Variants in PAPSS2 observed in about 807,000 individuals in gnomAD.
PAPSS2 encodes bifunctional 3'-phosphoadenosine 5'-phosphosulfate synthase 2.
In PAPSS2, 61 loss-of-function variants were observed where a neutral mutation model predicts 66.5. The observed-to-expected ratio is 0.92, with a 90% CI of 0.75 to 1.14. The LOEUF is 1.14. Ranked by LOEUF, PAPSS2 falls within the 50% of genes most tolerant of loss-of-function variation. The pLI is 0.00. For synonymous variants in PAPSS2, 289 were observed against 287.5 expected (o/e 1.01, Z -0.05); for missense variants, 708 against 789.6 (o/e 0.90, Z 1.24).
At chr10:87,698,181 A>G (rs1853259054) in intron 1 of PAPSS2, among the ~76,000 whole-genome samples, 1 of 152,102 alleles carries the variant, frequency 6.6e-6, no homozygotes, top group South Asian at 2.1e-4. Context: ...TCTGTGGTTT[A>G]TTTCCTACTA....
rs768951273 is a variant in PAPSS2, at chr10:87,713,194, C to A, written c.265C>A (p.Leu89Ile). Residue 89 changes from leucine (L) to isoleucine (I), a missense_variant, in exon 3 of 13, where the codon CTC (leucine) becomes ATC (isoleucine). Physicochemically the swap from Leu to Ile is conservative, Grantham distance 5. Transcript: ENST00000456849. ...TGTCCGTCATGGCCTTAACAGAAAT[C>A]TCGGATTCTCTCCTGGGGACAGAGA... ...DNVRHGLNRN[L>I]GFSPGDREEN... 6.2e-7 allele frequency: 1 copy of A among 1,612,042 alleles called. No individual in the cohort carries two copies. Among genetic ancestry groups the A allele is most frequent in the South Asian group, 1.1e-5 (1 of 91,010 alleles).
intron 9 of PAPSS2, among the ~76,000 whole-genome samples, chr10:87,736,263 C>CTTTTTTT (rs10553485): frequency 4.0e-4 from 41 of 103,222 alleles, no homozygotes; most frequent in African/African-American, 5.3e-4. Context: ...TTCTTTCTTT[C>CTTTTTTT]TTTTTTTTTT....
chr10:87,737,687 T>C (rs1853817975), intron 9 of PAPSS2, among the ~76,000 whole-genome samples: 1 of 152,070 alleles, frequency 6.6e-6, no homozygotes. Context: ...TAGCCAGGTG[T>C]GGTGGCATGC....
intron 1 of PAPSS2, among the ~76,000 whole-genome samples, chr10:87,664,597 G>A (rs1852792822): frequency 6.6e-6 from 1 of 152,128 alleles, no homozygotes; most frequent in African/African-American, 2.4e-5. Flanking sequence ...CTTTTCTGTT[G>A]ATGCATGTGG....
At chr10:87,666,904 G>T (rs1401404731) in intron 1 of PAPSS2, among the ~76,000 whole-genome samples, 1 of 152,060 alleles carries the variant, frequency 6.6e-6, no homozygotes, top group East Asian at 1.9e-4. Flanking sequence ...GAGATCAGAA[G>T]CACATCCAAT....
chr10:87,698,597 T>A (rs941649130), intron 1 of PAPSS2, among the ~76,000 whole-genome samples: 5 of 152,236 alleles, frequency 3.3e-5, no homozygotes, highest in African/African-American at 1.2e-4. Context: ...GTTTGCATGA[T>A]AAGTAAATGC....
At chr10:87,735,995 T>G (rs976354904) in intron 9 of PAPSS2, among the ~76,000 whole-genome samples, 2 of 152,174 alleles carry the variant, frequency 1.3e-5, no homozygotes, top group African/African-American at 4.8e-5. Flanking sequence ...CAGCTTTCTC[T>G]CACTCACTCT....
chr10:87,672,650 C>T (rs1276582833), intron 1 of PAPSS2, among the ~76,000 whole-genome samples: 1 of 151,888 alleles, frequency 6.6e-6, no homozygotes, highest in African/African-American at 2.4e-5. Context: ...GAAGCAGTGA[C>T]TACTTAAAAA....
intron 9 of PAPSS2, among the ~76,000 whole-genome samples, chr10:87,737,746 C>T (rs1853818523): frequency 6.6e-6 from 1 of 152,022 alleles, no homozygotes; most frequent in South Asian, 2.1e-4. Context: ...CTGCATAAGC[C>T]CCGGAGGTAG....
intron 9 of PAPSS2, among the ~76,000 whole-genome samples, chr10:87,735,957 T>C (rs564481299): frequency 2.6e-5 from 4 of 152,334 alleles, no homozygotes; most frequent in Non-Finnish European, 5.9e-5. Context: ...ATCACTATCT[T>C]CGTGTCTTCC....
At chr10:87,671,236 A>G (rs1852874602) in intron 1 of PAPSS2, among the ~76,000 whole-genome samples, 1 of 152,318 alleles carries the variant, frequency 6.6e-6, no homozygotes, top group East Asian at 1.9e-4. Context: ...AGAATGCAAA[A>G]GGATCTTTTG....
intron 9 of PAPSS2, among the ~76,000 whole-genome samples, chr10:87,730,414 TG>T (rs1184250999): frequency 6.6e-6 from 1 of 152,154 alleles, no homozygotes; most frequent in Non-Finnish European, 1.5e-5. Flanking sequence ...AGAGAAGGCC[TG>T]TGTAGCAAAG....
At chr10:87,701,930 C>T (rs17122828) in intron 1 of PAPSS2, among the ~76,000 whole-genome samples, 1,696 of 152,234 alleles carry the variant, frequency 0.011, 34 homozygotes, top group African/African-American at 0.039. Context: ...GTGGGTATAT[C>T]GTGGTAGCCT....
chr10:87,704,510 G>A (rs1449035860), intron 1 of PAPSS2, among the ~76,000 whole-genome samples: 1 of 152,218 alleles, frequency 6.6e-6, no homozygotes, highest in Non-Finnish European at 1.5e-5. Flanking sequence ...ATGTGCACAG[G>A]TGGGCAGCAG....
intron 1 of PAPSS2, among the ~76,000 whole-genome samples, chr10:87,703,276 CGT>C (rs10673718): frequency 0.035 from 5,106 of 145,392 alleles, 111 homozygotes; most frequent in African/African-American, 0.059. Flanking sequence ...AACAACATTG[CGT>C]GTGTGTGTGT....
At chr10:87,691,314 A>G (rs1213996511) in intron 1 of PAPSS2, among the ~76,000 whole-genome samples, 3 of 152,148 alleles carry the variant, frequency 2.0e-5, no homozygotes, top group Non-Finnish European at 4.4e-5. Context: ...TTGAACCCCC[A>G]TAGTATTCCA....
At chr10:87,672,326 C>G (rs1852888337) in intron 1 of PAPSS2, among the ~76,000 whole-genome samples, 1 of 152,156 alleles carries the variant, frequency 6.6e-6, no homozygotes, top group South Asian at 2.1e-4. Flanking sequence ...CATTATATGG[C>G]TTCATTTTCA....
intron 9 of PAPSS2, among the ~76,000 whole-genome samples, chr10:87,737,952 T>C (rs1853820719): frequency 1.3e-5 from 2 of 152,238 alleles, no homozygotes; most frequent in African/African-American, 4.8e-5. Context: ...AGATACCTCA[T>C]ATAAGTGGAA....
At chr10:87,715,141 G>A (rs1273394757) in intron 6 of PAPSS2, 43 bp downstream of exon 6, 1 of 976,532 alleles carries the variant, frequency 1.0e-6, no homozygotes. Flanking sequence ...CTTAATATCA[G>A]TCATTATAAT....
Sources: allele counts gnomAD v4.1 joint callset (sites outside exome capture counted in the v4.1 genomes callset), GRCh38; gene constraint gnomAD v4.1.1; transcripts MANE v1.5; gene names NCBI Gene and HGNC (gene_info 2026-07-23, HGNC 2026-07-21).